Variants in ACCS observed in about 807,000 individuals in gnomAD.
ACCS encodes the protein 1-aminocyclopropane-1-carboxylate synthase-like protein 1.
Under a neutral mutation model 59.8 loss-of-function variants are expected in ACCS, and 42 were observed. The observed-to-expected ratio is 0.70, with a 90% CI of 0.55 to 0.91. The LOEUF (loss-of-function observed/expected upper bound fraction) is 0.91, where lower values mean the gene tolerates loss of function less well. Among genes scored for constraint, ACCS ranks in the 40% least tolerant of loss-of-function variants. The probability of loss-of-function intolerance (pLI) is 0.00; values close to 1 mark genes in which losing one functional copy is unlikely to be tolerated. For synonymous variants in ACCS, 230 were observed against 240.3 expected (o/e 0.96, Z 0.40); for missense variants, 602 against 630.4 (o/e 0.95, Z 0.48).
rs149314407 is a variant in ACCS at position 44,078,891 on chromosome 11, C to T, written c.833+107C>T. ...CTCTTGACCCCACTGTGGGCTGCTA[C>T]TTGCTTGGGCCCTTCCTTGGCAGTG... On this transcript the variant is annotated intron_variant, in intron 9 of 14. Coordinates refer to ENST00000263776, the MANE Select transcript of ACCS (RefSeq NM_032592.4). The T allele has an allele frequency of 4.2e-5, 37 of 879,162 alleles. No homozygotes were observed. In the African/African-American group the frequency reaches 5.5e-4, roughly 13 times the overall value. 54.5% of individuals were successfully genotyped at this position (879,162 alleles called of 1,614,324 possible). A position where few individuals can be genotyped will look rare whatever the true frequency, so the allele number is the denominator to read the frequency against.
intron 2 of ACCS, among the ~76,000 whole-genome samples, chr11:44,069,312 C>T (rs147117315): frequency 0.043 from 6,536 of 152,100 alleles, 474 homozygotes; most frequent in African/African-American, 0.15. Flanking sequence ...CTCTGCCTCC[C>T]GGGTTCAAGG....
rs369075739 is a variant in ACCS, at chr11:44,079,775, G to A, written c.923+155G>A. Among the ~76,000 whole-genome samples, 12 of 152,326 alleles carry A rather than the reference G, an allele frequency of 7.9e-5. No individual in the cohort carries two copies. In the South Asian group the frequency reaches 2.5e-3, roughly 32 times the overall value. ...GTCCTCAGATCTAATGAGAAGCAGG[G>A]ACGGTTGGGCTAGATTAGTGATTTT... is the stretch of plus-strand genomic sequence containing the variant. On this transcript the variant is annotated intron_variant, in intron 10 of 14. Transcript: ENST00000263776.
intron 6 of ACCS, among the ~76,000 whole-genome samples, 156 bp from the exon 7 acceptor site, chr11:44,077,123 A>G (rs1953401471): frequency 6.6e-6 from 1 of 152,156 alleles, no homozygotes; most frequent in South Asian, 2.1e-4. Flanking sequence ...CAGTGGATCC[A>G]AGCTTTCCAA....
Position 44,078,477 on chromosome 11 carries a change from G to C in ACCS, c.733-207G>C, listed in dbSNP as rs1331540236. On this transcript the variant is annotated intron_variant, in intron 8 of 14. Coordinates refer to ENST00000263776, the MANE Select transcript of ACCS (RefSeq NM_032592.4). ...AACAAAGGTAACCTACTGGTATTTG[G>C]GTATATTTTTTCTCTGGGCCTTGTC... 5.5e-5 allele frequency: 27 copies of C among 491,946 alleles called. No homozygotes were observed. The East Asian group carries it at 8.3e-4, about 15-fold the overall frequency. 30.5% of individuals were successfully genotyped at this position (491,946 alleles called of 1,614,324 possible). A position where few individuals can be genotyped will look rare whatever the true frequency, so the allele number is the denominator to read the frequency against.
chr11:44,067,864 G>A lies in ACCS; in HGVS notation c.237G>A (p.Glu79=). ...MIKWFWDSAE[E]GYRTYHMDEY... The stretch of plus-strand genomic sequence containing the variant: ...AATGGTTCTGGGATTCAGCTGAGGA[G>A]GGCTACAGGACCTACCACATGGATG... The change falls in exon 2 of 15, where the codon GAG becomes GAA. Residue 79 remains glutamate (E), a synonymous_variant. Transcript: ENST00000263776. 6.2e-7 allele frequency: 1 copy of A among 1,613,816 alleles called. No individual in the cohort carries two copies. The highest frequency in any genetic ancestry group is 8.5e-7 in the Non-Finnish European group (1 of 1,179,810).
At position 44,077,328 on chromosome 11, in the gene ACCS, G is replaced by A. The variant is rs79793705; in HGVS notation, c.606G>A (p.Val202=). The A allele has an allele frequency of 9.2e-4, 1,484 of 1,614,168 alleles. 19 individuals are homozygous for A. The African/African-American group carries it at 0.018, about 19-fold the overall frequency. The change falls in exon 7 of 15, where the codon GTG becomes GTA. Residue 202 remains valine, a synonymous_variant. Coordinates refer to ENST00000263776, the MANE Select transcript of ACCS (RefSeq NM_032592.4). ...TPYYGAITQH[V]CLYGNIRLAY... is the part of the protein sequence containing the mutation. ...ACTATGGCGCTATCACACAGCACGT[G>A]TGTCTCTATGGCAACATCCGGCTGG...
At chr11:44,069,277 T>G (rs1468708767) in intron 2 of ACCS, among the ~76,000 whole-genome samples, 5 of 152,046 alleles carry the variant, frequency 3.3e-5, no homozygotes, top group African/African-American at 4.8e-5. Flanking sequence ...TGGAGTGCAG[T>G]GGCATGATCT....
intron 12 of ACCS, chr11:44,082,234 T>C (rs1953673117): frequency 6.6e-6 from 1 of 152,210 alleles, no homozygotes; most frequent in African/African-American, 2.4e-5. Context: ...CAGCAGTTTC[T>C]TATAAAGTTA....
In ACCS at chr11:44,067,840, A is replaced by C; in HGVS notation, c.213A>C (p.Lys71Asn). 1 of 1,614,092 alleles carries C rather than the reference A, an allele frequency of 6.2e-7. No homozygotes were observed. The highest frequency in any genetic ancestry group is 8.5e-7 in the Non-Finnish European group (1 of 1,179,994). The change falls in exon 2 of 15, where the codon AAA becomes AAC. Residue 71 changes from lysine to asparagine, a missense_variant. By Grantham distance (94) the Lys-to-Asn change is moderately conservative. Transcript: ENST00000263776. ...TGTCCTCTAGAGGAAGAATGATTAA[A>C]TGGTTCTGGGATTCAGCTGAGGAGG... ...SYLSSRGRMI[K>N]WFWDSAEEGY...
At position 44,083,542 on chromosome 11, in the gene ACCS, T is replaced by A; in HGVS notation, c.1373T>A (p.Phe458Tyr). The A allele has an allele frequency of 2.5e-6, 4 of 1,614,256 alleles. No homozygotes were observed. Among genetic ancestry groups the A allele is most frequent in the South Asian group, 1.1e-5 (1 of 91,086 alleles). Residue 458 changes from phenylalanine to tyrosine, a missense_variant, in exon 14 of 15, where the codon TTT becomes TAT. By Grantham distance (22) the Phe-to-Tyr change is conservative (BLOSUM62 3). Transcript: ENST00000263776. Reference sequence around the variant, plus strand: ...TGTAAAGAGCCTGGTTGGTTTCGCTTTGTCTTCTCAGACCAGGTCCACCGG... The same window carrying A: ...TGTAAAGAGCCTGGTTGGTTTCGCTATGTCTTCTCAGACCAGGTCCACCGG... Reference protein sequence around the residue: ...FECKEPGWFRFVFSDQVHRLC... With the variant: ...FECKEPGWFRYVFSDQVHRLC...
At chr11:44,080,666 G>A (rs1036987766) in intron 10 of ACCS, 4 of 328,470 alleles carry the variant, frequency 1.2e-5, no homozygotes, top group Admixed American at 4.5e-5. Context: ...GGAGAGTCCA[G>A]GGAGCTGTGA....
At chr11:44,075,749 G>C (rs575633570) in intron 6 of ACCS, 157 bp downstream of exon 6, 1 of 818,594 alleles carries the variant, frequency 1.2e-6, no homozygotes, top group Admixed American at 2.8e-5. Context: ...CAAAGCACCC[G>C]GGGGTCAGCA....
At chr11:44,078,130 C>A in intron 8 of ACCS, 1 of 601,026 alleles carries the variant, frequency 1.7e-6, no homozygotes, top group Non-Finnish European at 2.8e-6. Flanking sequence ...GACTCTCAGA[C>A]CTCAGTTCAC....
At chr11:44,074,313 AGTT>A (rs1431955874) in intron 4 of ACCS, among the ~76,000 whole-genome samples, 4 of 152,164 alleles carry the variant, frequency 2.6e-5, no homozygotes, top group Non-Finnish European at 4.4e-5. Context: ...TGGTGCCAAT[AGTT>A]GTTGTTGTAG....
chr11:44,073,826 G>C (rs1015504828), intron 4 of ACCS, among the ~76,000 whole-genome samples: 1 of 152,212 alleles, frequency 6.6e-6, no homozygotes, highest in Non-Finnish European at 1.5e-5. Flanking sequence ...TTTAAAGCAT[G>C]GGGAGGGCCT....
rs764353314 is a variant in ACCS at position 44,077,864 on chromosome 11, G to A, written c.674G>A (p.Arg225His). 6 of 1,613,872 alleles carry A rather than the reference G, an allele frequency of 3.7e-6. No homozygotes were observed. Among genetic ancestry groups the A allele is most frequent in the Non-Finnish European group, 5.1e-6 (6 of 1,179,916 alleles). The change falls in exon 8 of 15, where the codon CGC becomes CAC. Residue 225 changes from arginine (R) to histidine (H), a missense_variant. Coordinates refer to ENST00000263776, the MANE Select transcript of ACCS (RefSeq NM_032592.4). Reference protein sequence around the residue: ...LDSEVTGLDTRPFQLTVEKLE... With the variant: ...LDSEVTGLDTHPFQLTVEKLE... ...TTCCAGGTCACTGGGCTAGACACACGCCCCTTCCAGCTCACAGTGGAGAAG... is the reference window on the plus strand; with the variant it reads ...TTCCAGGTCACTGGGCTAGACACACACCCCTTCCAGCTCACAGTGGAGAAG...
intron 6 of ACCS, 174 bp downstream of exon 6, chr11:44,075,766 G>T: frequency 1.4e-6 from 1 of 692,398 alleles, no homozygotes. Flanking sequence ...AGCAGTTCCA[G>T]GGGAGGTTAG....
rs756245774 is a variant in ACCS at position 44,081,179 on chromosome 11, G to T, written c.970G>T (p.Asp324Tyr). 9.9e-6 allele frequency: 16 copies of T among 1,614,114 alleles called. No homozygotes were observed. Among genetic ancestry groups the T allele is most frequent in the Non-Finnish European group, 1.1e-5 (13 of 1,180,046 alleles). The change falls in exon 12 of 15, where the codon GAC (aspartate) becomes TAC (tyrosine). Residue 324 changes from aspartate (D) to tyrosine (Y), a missense_variant and splice_region_variant. By Grantham distance (160) the Asp-to-Tyr change is radical. Transcript: ENST00000263776. ...RTHVMWATSK[D>Y]FGMSGLRFGT... ...CCGCCTAGGGTGCTTCTTCCTGCAG[G>T]ACTTCGGGATGTCTGGGCTCCGCTT...
Position 44,075,660 on chromosome 11 carries a change from G to C in ACCS, c.556+68G>C, listed in dbSNP as rs927551478. The C allele has an allele frequency of 9.7e-6, 15 of 1,551,374 alleles. No individual in the cohort carries two copies. In the African/African-American group the frequency reaches 1.8e-4, roughly 18 times the overall value. ...GTGCTTGCAGGGTTCCCAGTTGCCTGGCCTCAAGGGCTGCAATAGTATGCT... is the reference window on the plus strand; with the variant it reads ...GTGCTTGCAGGGTTCCCAGTTGCCTCGCCTCAAGGGCTGCAATAGTATGCT... On this transcript the variant is annotated intron_variant, in intron 6 of 14. Transcript: ENST00000263776.
Sources: gnomAD v4.1 joint callset for allele counts (sites outside exome capture counted in the v4.1 genomes callset) on GRCh38, gnomAD v4.1.1 for gene constraint, MANE v1.5 for transcripts, NCBI Gene and HGNC (gene_info 2026-07-23, HGNC 2026-07-21) for gene names.